Variants in SH3GL2 observed in about 807,000 individuals in gnomAD.
SH3GL2 encodes the protein endophilin-A1.
SH3GL2 carries 24 observed loss-of-function variants against 46.0 expected under a neutral mutation model. The observed-to-expected ratio is 0.52, with a 90% CI of 0.38 to 0.73. The LOEUF (loss-of-function observed/expected upper bound fraction) is 0.73, where lower values mean the gene tolerates loss of function less well. Among genes scored for constraint, SH3GL2 ranks in the 30% least tolerant of loss-of-function variants. SH3GL2 has a pLI of 0.00. For missense variants in SH3GL2, 413 were observed against 424.2 expected, an observed-to-expected ratio of 0.97 and a Z score of 0.23; for synonymous variants, 196 against 147.1, an observed-to-expected ratio of 1.33 and a Z score of -2.40.
intron 1 of SH3GL2, among the ~76,000 whole-genome samples, chr9:17,733,260 A>AT (rs539505693): frequency 7.9e-5 from 12 of 151,470 alleles, no homozygotes; most frequent in South Asian, 6.2e-4. Flanking sequence ...CTTTTTTTAA[A>AT]TTTTTTTTAT....
intron 1 of SH3GL2, among the ~76,000 whole-genome samples, chr9:17,710,905 GATACAGTAGGAGATTCACAACA>G (rs1353750773): frequency 1.5e-4 from 23 of 151,956 alleles, no homozygotes; most frequent in Non-Finnish European, 2.8e-4. Context: ...ATATAAATTA[GATACAGTAGGAGATTCACAACA>G]ATAACTAAAG....
intron 1 of SH3GL2, among the ~76,000 whole-genome samples, chr9:17,581,462 T>A (rs1029524617): frequency 1.3e-5 from 2 of 152,204 alleles, no homozygotes; most frequent in African/African-American, 4.8e-5. Flanking sequence ...TCTTAGAAAG[T>A]CTAAGGCACA....
intron 2 of SH3GL2, among the ~76,000 whole-genome samples, chr9:17,748,184 G>A (rs1343674094): frequency 6.6e-6 from 1 of 151,866 alleles, no homozygotes; most frequent in Non-Finnish European, 1.5e-5. Context: ...TTACTTTAAC[G>A]CTCTTCAGAA....
intron 1 of SH3GL2, among the ~76,000 whole-genome samples, chr9:17,662,026 C>T (rs1401566979): frequency 2.6e-5 from 4 of 152,088 alleles, no homozygotes; most frequent in Non-Finnish European, 4.4e-5. Context: ...TATAATTTTA[C>T]TCTTTTAAAT....
chr9:17,717,620 C>T (rs772467801), intron 1 of SH3GL2, among the ~76,000 whole-genome samples: 5 of 152,108 alleles, frequency 3.3e-5, no homozygotes, highest in Non-Finnish European at 7.4e-5. Flanking sequence ...TATGCCCTCT[C>T]TGCCTTCCAG....
chr9:17,778,034 T>C lies in SH3GL2; in HGVS notation c.188-8347T>C, dbSNP rs186951506. Among the ~76,000 whole-genome samples, 123 of 152,196 alleles carry C rather than the reference T, an allele frequency of 8.1e-4. 1 individual carries two copies. Among genetic ancestry groups the C allele is most frequent in the African/African-American group, 2.6e-3 (106 of 41,538 alleles). On this transcript the variant is annotated intron_variant, in intron 3 of 8. Coordinates refer to ENST00000380607, the MANE Select transcript of SH3GL2 (RefSeq NM_003026.5). ...CATGACAATCTGGGAGTGCCATATT[T>C]ATACATTTCAGTATACCTCTTGGTT...
At chr9:17,692,987 T>G (rs971417352) in intron 1 of SH3GL2, among the ~76,000 whole-genome samples, 2 of 152,092 alleles carry the variant, frequency 1.3e-5, no homozygotes, top group Non-Finnish European at 2.9e-5. Flanking sequence ...AGCTATTCAG[T>G]TACCTCCCCC....
chr9:17,716,758 C>G (rs1185495766), intron 1 of SH3GL2, among the ~76,000 whole-genome samples: 1 of 152,104 alleles, frequency 6.6e-6, no homozygotes, highest in African/African-American at 2.4e-5. Flanking sequence ...ATTCTGATCT[C>G]TCTTCACTCC....
intron 1 of SH3GL2, among the ~76,000 whole-genome samples, chr9:17,676,257 A>G (rs1012312387): frequency 6.6e-6 from 1 of 152,112 alleles, no homozygotes; most frequent in Non-Finnish European, 1.5e-5. Flanking sequence ...CAACTTTTCT[A>G]CAAAAATATT....
At chr9:17,710,535 GA>G (rs539292692) in intron 1 of SH3GL2, among the ~76,000 whole-genome samples, 277 of 151,992 alleles carry the variant, frequency 1.8e-3, no homozygotes, top group African/African-American at 6.4e-3. Context: ...TATGATGCAG[GA>G]ATTCTACTTC....
intron 1 of SH3GL2, among the ~76,000 whole-genome samples, chr9:17,676,307 GTAAAAAGT>G (rs1820607254): frequency 6.6e-6 from 1 of 152,038 alleles, no homozygotes; most frequent in Admixed American, 6.6e-5. Flanking sequence ...TGCTCAGACT[GTAAAAAGT>G]ATATCACAGG....
intron 1 of SH3GL2, among the ~76,000 whole-genome samples, chr9:17,702,286 G>A (rs1286714970): frequency 6.6e-6 from 1 of 152,060 alleles, no homozygotes; most frequent in Non-Finnish European, 1.5e-5. Context: ...AAATGTTAAT[G>A]AATGAAATCA....
At chr9:17,785,653 G>T (rs1207050523) in intron 3 of SH3GL2, among the ~76,000 whole-genome samples, 2 of 152,042 alleles carry the variant, frequency 1.3e-5, no homozygotes, top group Non-Finnish European at 2.9e-5. Context: ...TTTTAATAAA[G>T]CTGTTTTTGC....
At chr9:17,665,672 A>G (rs753526465) in intron 1 of SH3GL2, among the ~76,000 whole-genome samples, 2 of 151,856 alleles carry the variant, frequency 1.3e-5, no homozygotes, top group South Asian at 2.1e-4. Context: ...TACATCATAC[A>G]TCATCTTGTA....
intron 1 of SH3GL2, among the ~76,000 whole-genome samples, chr9:17,623,896 C>G (rs1018477872): frequency 6.6e-6 from 1 of 152,076 alleles, no homozygotes; most frequent in Non-Finnish European, 1.5e-5. Context: ...AACATTGATA[C>G]AATTTAAAAA....
At chr9:17,671,709 G>A (rs535554684) in intron 1 of SH3GL2, among the ~76,000 whole-genome samples, 2 of 152,300 alleles carry the variant, frequency 1.3e-5, no homozygotes, top group African/African-American at 4.8e-5. Flanking sequence ...AACCTTTGCA[G>A]TATTGTGCCT....
intron 7 of SH3GL2, 152 bp from the exon 8 acceptor site, chr9:17,793,215 A>G: frequency 1.5e-6 from 1 of 656,714 alleles, no homozygotes; most frequent in Non-Finnish European, 2.6e-6. Flanking sequence ...ACATATACAT[A>G]CAAGAAAACT....
At chr9:17,606,017 A>AT (rs1442141544) in intron 1 of SH3GL2, among the ~76,000 whole-genome samples, 1 of 151,826 alleles carries the variant, frequency 6.6e-6, no homozygotes, top group East Asian at 1.9e-4. Flanking sequence ...TTAATGGCTT[A>AT]TTTTTTTCAA....
intron 1 of SH3GL2, among the ~76,000 whole-genome samples, chr9:17,647,474 T>A (rs1819846898): frequency 6.6e-6 from 1 of 152,084 alleles, no homozygotes; most frequent in Admixed American, 6.6e-5. Context: ...TAGGAAGACA[T>A]AAAGATACAA....
Sources: gnomAD v4.1 joint callset for allele counts (sites outside exome capture counted in the v4.1 genomes callset) on GRCh38, gnomAD v4.1.1 for gene constraint, MANE v1.5 for transcripts, NCBI Gene and HGNC (gene_info 2026-07-23, HGNC 2026-07-21) for gene names.